SPOCK3: variants seen among roughly 807,000 people sequenced by gnomAD.
SPOCK3 encodes testican-3.
Under a neutral mutation model 56.6 loss-of-function variants are expected in SPOCK3, and 30 were observed. That is an observed-to-expected ratio of 0.53 (90% CI 0.40 to 0.72). The LOEUF (loss-of-function observed/expected upper bound fraction) is 0.72. Ranked by LOEUF, SPOCK3 falls within the 30% of genes least tolerant of loss-of-function variation. The probability of loss-of-function intolerance (pLI) is 0.00; values close to 1 mark genes in which losing one functional copy is unlikely to be tolerated. For synonymous variants in SPOCK3, 196 were observed against 183.3 expected, an observed-to-expected ratio of 1.07 and a Z score of -0.56; for missense variants, 527 against 530.0, an observed-to-expected ratio of 0.99 and a Z score of 0.06.
chr4:166,958,763 C>T (rs1743805622), intron 4 of SPOCK3, among the ~76,000 whole-genome samples: 2 of 152,146 alleles, frequency 1.3e-5, no homozygotes, highest in South Asian at 2.1e-4. Flanking sequence ...TATTGTCTGT[C>T]TCCTTCTACT....
chr4:167,057,266 T>G (rs1254288681), intron 3 of SPOCK3, among the ~76,000 whole-genome samples: 1 of 152,094 alleles, frequency 6.6e-6, no homozygotes, highest in African/African-American at 2.4e-5. Context: ...AGGCCTGCCC[T>G]AAAAGAGCTC....
Position 167,205,340 on chromosome 4 carries a change from A to ATT in SPOCK3, c.189+28643_189+28644dup, listed in dbSNP as rs1347895967. On this transcript the variant is annotated intron_variant, in intron 2 of 10. Transcript: ENST00000357545. ...TTTATATATATAATATATATTATAT[A>ATT]TTATATATATAATATATATATTATA... Among the ~76,000 whole-genome samples, 213 of 40,240 alleles carry ATT rather than the reference A, an allele frequency of 5.3e-3. 1 individual carries two copies. The highest frequency in any genetic ancestry group is 0.022 in the Middle Eastern group (1 of 46). The allele number at this position is 40,240 out of a possible 152,430, so 26.4% of individuals were successfully genotyped here. A position where few individuals can be genotyped will look rare whatever the true frequency, so the allele number is the denominator to read the frequency against.
At chr4:166,782,336 A>G (rs1740272550) in intron 7 of SPOCK3, among the ~76,000 whole-genome samples, 1 of 152,196 alleles carries the variant, frequency 6.6e-6, no homozygotes, top group Non-Finnish European at 1.5e-5. Context: ...CTGAGAAAAA[A>G]TCTAATAGAA....
At chr4:166,751,876 T>C (rs562356482) in intron 8 of SPOCK3, among the ~76,000 whole-genome samples, 7 of 152,202 alleles carry the variant, frequency 4.6e-5, no homozygotes, top group Non-Finnish European at 8.8e-5. Flanking sequence ...TAAAGAATTC[T>C]ACAAATTACA....
At chr4:166,737,345 T>C in intron 10 of SPOCK3, 122 bp downstream of exon 10, 1 of 1,062,250 alleles carries the variant, frequency 9.4e-7, no homozygotes, top group Non-Finnish European at 1.3e-6. Flanking sequence ...CCCTCCACCC[T>C]AGATATTCTA....
At chr4:166,951,003 C>A (rs1379278173) in intron 4 of SPOCK3, among the ~76,000 whole-genome samples, 2 of 128,234 alleles carry the variant, frequency 1.6e-5, no homozygotes, top group Non-Finnish European at 3.2e-5. Context: ...AAAATTGACA[C>A]CCTAACATCA....
intron 4 of SPOCK3, among the ~76,000 whole-genome samples, chr4:166,989,018 G>A (rs2150108085): frequency 6.6e-6 from 1 of 152,014 alleles, no homozygotes; most frequent in South Asian, 2.1e-4. Flanking sequence ...GCAAACCCTA[G>A]ATACATATCA....
At chr4:167,186,559 G>T (rs907015503) in intron 2 of SPOCK3, among the ~76,000 whole-genome samples, 1 of 151,590 alleles carries the variant, frequency 6.6e-6, no homozygotes, top group East Asian at 2.0e-4. Flanking sequence ...CCCAGGAGGC[G>T]GAGGTTGCAG....
intron 6 of SPOCK3, among the ~76,000 whole-genome samples, chr4:166,858,482 C>T (rs1730913894): frequency 6.6e-6 from 1 of 152,052 alleles, no homozygotes; most frequent in African/African-American, 2.4e-5. Flanking sequence ...CATGTAAGTA[C>T]AGAGTAAATA....
At chr4:167,091,976 C>G (rs901295048) in intron 2 of SPOCK3, among the ~76,000 whole-genome samples, 4 of 152,164 alleles carry the variant, frequency 2.6e-5, no homozygotes, top group Admixed American at 2.6e-4. Flanking sequence ...AGTGCCTGCT[C>G]CTCCTTCCAC....
chr4:166,988,324 A>G (rs1747385859), intron 4 of SPOCK3, among the ~76,000 whole-genome samples: 1 of 152,266 alleles, frequency 6.6e-6, no homozygotes, highest in Non-Finnish European at 1.5e-5. Context: ...AAAAGACTCT[A>G]CTGGATGCTT....
rs138653976 is a variant in SPOCK3 at position 166,778,558 on chromosome 4, A to C, written c.709+13612T>G. 4.2e-3 allele frequency among the ~76,000 whole-genome samples: 635 copies of C among 152,296 alleles called. 2 individuals are homozygous for C. Among genetic ancestry groups the C allele is most frequent in the African/African-American group, 0.015 (603 of 41,574 alleles). On this transcript the variant is annotated intron_variant, in intron 7 of 10. Transcript: ENST00000357545. ...AGAAAAGCACCATTCTGGTCCACACAGGATTCAATACACACTACTAGGCCT... is the reference window on the plus strand; with the variant it reads ...AGAAAAGCACCATTCTGGTCCACACCGGATTCAATACACACTACTAGGCCT...
intron 2 of SPOCK3, among the ~76,000 whole-genome samples, chr4:167,165,002 G>A (rs1429041684): frequency 6.6e-6 from 1 of 152,130 alleles, no homozygotes; most frequent in Non-Finnish European, 1.5e-5. Context: ...CTAGATCAGT[G>A]AGGAGTCTTC....
intron 2 of SPOCK3, among the ~76,000 whole-genome samples, chr4:167,163,024 C>T (rs1181960770): frequency 6.6e-6 from 1 of 151,592 alleles, no homozygotes; most frequent in East Asian, 1.9e-4. Context: ...TGTTTTATGA[C>T]ACATATTTGA....
chr4:167,226,274 G>C (rs911954499), intron 2 of SPOCK3, among the ~76,000 whole-genome samples: 1 of 152,136 alleles, frequency 6.6e-6, no homozygotes, highest in Non-Finnish European at 1.5e-5. Context: ...TTAGAAATTA[G>C]CACTCTACTA....
intron 8 of SPOCK3, among the ~76,000 whole-genome samples, chr4:166,744,840 G>A (rs1032767168): frequency 6.6e-6 from 1 of 152,128 alleles, no homozygotes; most frequent in African/African-American, 2.4e-5. Context: ...CGTGATGCGT[G>A]CATAAGCTTT....
intron 2 of SPOCK3, among the ~76,000 whole-genome samples, chr4:167,189,515 T>C (rs1355263867): frequency 6.9e-6 from 1 of 145,638 alleles, no homozygotes; most frequent in African/African-American, 2.6e-5. Context: ...ATAAAAATTG[T>C]ATGTTTCAAG....
Position 167,205,343 on chromosome 4 carries a change from A to T in SPOCK3, c.189+28642T>A, listed in dbSNP as rs13110526. On this transcript the variant is annotated intron_variant, in intron 2 of 10. Transcript: ENST00000357545. ...ATATATATAATATATATTATATATT[A>T]TATATATAATATATATATTATATAT... Among the ~76,000 whole-genome samples the T allele has an allele frequency of 5.8e-3, 190 of 32,540 alleles. 4 individuals are homozygous for T. Among genetic ancestry groups the T allele is most frequent in the Admixed American group, 0.014 (20 of 1,480 alleles). 21.3% of individuals were successfully genotyped at this position (32,540 alleles called of 152,430 possible).
At chr4:166,834,994 C>A (rs1560909278) in intron 6 of SPOCK3, among the ~76,000 whole-genome samples, 2 of 152,018 alleles carry the variant, frequency 1.3e-5, no homozygotes, top group Non-Finnish European at 2.9e-5. Flanking sequence ...TGAACTAGAT[C>A]TATGAAGATT....
Sources: gnomAD v4.1 joint callset for allele counts (sites outside exome capture counted in the v4.1 genomes callset) on GRCh38, gnomAD v4.1.1 for gene constraint, MANE v1.5 for transcripts, NCBI Gene and HGNC (gene_info 2026-07-23, HGNC 2026-07-21) for gene names.